Variants in DLGAP1 observed in about 807,000 individuals in gnomAD.
DLGAP1 encodes disks large-associated protein 1.
In DLGAP1, 11 loss-of-function variants were observed where a neutral mutation model predicts 90.8. The observed-to-expected ratio is 0.12, with a 90% CI of 0.08 to 0.20. The LOEUF (loss-of-function observed/expected upper bound fraction) is 0.20. Ranked by LOEUF, DLGAP1 falls within the 10% of genes least tolerant of loss-of-function variation. The pLI is 1.00. For synonymous variants in DLGAP1, 558 were observed against 540.7 expected (o/e 1.03, Z -0.44); for missense variants, 1,050 against 1,333.8 (o/e 0.79, Z 3.31).
At chr18:3,737,680 A>T (rs895220363) in intron 6 of DLGAP1, among the ~76,000 whole-genome samples, 1 of 127,170 alleles carries the variant, frequency 7.9e-6, no homozygotes, top group African/African-American at 3.1e-5. Context: ...CTGAATGGGC[A>T]AAAACTGGAA....
chr18:4,396,180 G>A (rs1037859706), intron 1 of DLGAP1, among the ~76,000 whole-genome samples: 4 of 152,158 alleles, frequency 2.6e-5, no homozygotes, highest in African/African-American at 7.2e-5. Context: ...TCCCCAGTCC[G>A]AGGAAGAAAA....
intron 1 of DLGAP1, among the ~76,000 whole-genome samples, chr18:4,163,821 C>T (rs1016050931): frequency 3.3e-5 from 5 of 152,194 alleles, no homozygotes; most frequent in Non-Finnish European, 5.9e-5. Flanking sequence ...TTCTGCACCT[C>T]TCTTTTCCAT....
chr18:3,548,848 C>A (rs1283155389), intron 9 of DLGAP1, among the ~76,000 whole-genome samples: 1 of 152,046 alleles, frequency 6.6e-6, no homozygotes, highest in African/African-American at 2.4e-5. Flanking sequence ...ACTAGCCTGG[C>A]AAACATGGCG....
chr18:3,895,559 AAAT>A (rs1459986345), intron 3 of DLGAP1, among the ~76,000 whole-genome samples: 4 of 152,230 alleles, frequency 2.6e-5, no homozygotes, highest in African/African-American at 9.6e-5. Context: ...TTAGCCAAAT[AAAT>A]ACATGAATGG....
intron 5 of DLGAP1, among the ~76,000 whole-genome samples, chr18:3,754,792 A>T (rs543141706): frequency 2.5e-3 from 383 of 150,874 alleles, no homozygotes; most frequent in African/African-American, 9.0e-3. Context: ...GCTACTTGGG[A>T]GGCTGAGGCA....
chr18:4,332,931 C>T (rs1165532827), intron 1 of DLGAP1, among the ~76,000 whole-genome samples: 1 of 151,930 alleles, frequency 6.6e-6, no homozygotes, highest in Non-Finnish European at 1.5e-5. Context: ...CTAAACTCTT[C>T]TCCCTCAGTT....
chr18:4,290,170 T>C (rs1459610391), intron 1 of DLGAP1, among the ~76,000 whole-genome samples: 2 of 152,270 alleles, frequency 1.3e-5, no homozygotes, highest in African/African-American at 4.8e-5. Context: ...GGAAGATGAA[T>C]GTGACCATTT....
intron 3 of DLGAP1, chr18:3,977,894 C>A (rs1218960151): frequency 5.4e-6 from 2 of 369,556 alleles, no homozygotes; most frequent in Non-Finnish European, 1.0e-5. Flanking sequence ...TCATATCTGG[C>A]AGGTCAGGTC....
rs144044202 is a variant in DLGAP1, at chr18:3,897,328, T to C, written c.-72-17188A>G. ...ACAATGTGAATAATTTTAACCTTGA[T>C]ATAGAAGGGAGCCAATGCAGAAAAT... On this transcript the variant is annotated intron_variant, in intron 3 of 12. Transcript: ENST00000315677. Among the ~76,000 whole-genome samples, 88 of 152,336 alleles carry C rather than the reference T, an allele frequency of 5.8e-4. 1 individual carries two copies. Among genetic ancestry groups the C allele is most frequent in the African/African-American group, 2.0e-3 (85 of 41,580 alleles).
intron 3 of DLGAP1, among the ~76,000 whole-genome samples, chr18:3,966,384 G>C (rs2073331874): frequency 6.6e-6 from 1 of 152,110 alleles, no homozygotes; most frequent in South Asian, 2.1e-4. Context: ...CCACGGAACT[G>C]TTATGATCTA....
intron 2 of DLGAP1, among the ~76,000 whole-genome samples, chr18:4,094,324 T>A (rs1412406038): frequency 1.3e-5 from 2 of 152,192 alleles, no homozygotes. Flanking sequence ...GATGGTAATT[T>A]TTGTCACATT....
At chr18:4,014,646 A>T (rs2074489631) in intron 2 of DLGAP1, among the ~76,000 whole-genome samples, 1 of 152,212 alleles carries the variant, frequency 6.6e-6, no homozygotes, top group Admixed American at 6.5e-5. Flanking sequence ...CAGGTATCAA[A>T]ATATCACATA....
At chr18:4,102,155 T>A (rs2075789868) in intron 2 of DLGAP1, among the ~76,000 whole-genome samples, 1 of 152,164 alleles carries the variant, frequency 6.6e-6, no homozygotes, top group Non-Finnish European at 1.5e-5. Context: ...AAATAGATGT[T>A]CAACTTTTCT....
intron 2 of DLGAP1, among the ~76,000 whole-genome samples, chr18:4,109,635 C>G (rs986983730): frequency 3.2e-4 from 48 of 152,196 alleles, no homozygotes; most frequent in African/African-American, 1.1e-3. Flanking sequence ...CTTTCCTGAG[C>G]CCCTGCTCCT....
intron 4 of DLGAP1, among the ~76,000 whole-genome samples, chr18:3,842,562 T>C (rs570287112): frequency 1.2e-4 from 18 of 151,388 alleles, no homozygotes; most frequent in African/African-American, 3.9e-4. Context: ...TGGCGAGAAG[T>C]GGACAGAAAT....
At chr18:3,993,045 C>T (rs1256002349) in intron 3 of DLGAP1, 1 of 150,898 alleles carries the variant, frequency 6.6e-6, no homozygotes, top group African/African-American at 2.4e-5. Context: ...ATAGCCTCCC[C>T]CTGGCAGAAA....
chr18:3,520,423 G>A (rs936142743), intron 10 of DLGAP1, among the ~76,000 whole-genome samples: 1 of 152,168 alleles, frequency 6.6e-6, no homozygotes, highest in Non-Finnish European at 1.5e-5. Flanking sequence ...TCGCTGAATT[G>A]CATTTTCCTA....
chr18:4,256,174 A>G (rs1233124325), intron 1 of DLGAP1, among the ~76,000 whole-genome samples: 1 of 152,166 alleles, frequency 6.6e-6, no homozygotes, highest in South Asian at 2.1e-4. Flanking sequence ...TAGAAATCAT[A>G]CTTCTTCTGA....
chr18:3,922,082 G>A (rs919298295), intron 3 of DLGAP1, among the ~76,000 whole-genome samples: 1 of 152,162 alleles, frequency 6.6e-6, no homozygotes, highest in Non-Finnish European at 1.5e-5. Context: ...AGGTTAAAAT[G>A]AGGCAAGTGG....
Sources: allele counts gnomAD v4.1 joint callset (sites outside exome capture counted in the v4.1 genomes callset), GRCh38; gene constraint gnomAD v4.1.1; transcripts MANE v1.5; gene names NCBI Gene and HGNC (gene_info 2026-07-23, HGNC 2026-07-21).